VPS8: variants seen among roughly 807,000 people sequenced by gnomAD.
The protein encoded by VPS8 is vacuolar protein sorting-associated protein 8 homolog.
VPS8 carries 129 observed loss-of-function variants against 216.4 expected under a neutral mutation model. The observed-to-expected ratio is 0.60, with a 90% CI of 0.52 to 0.69. VPS8 has a LOEUF of 0.69. Among genes scored for constraint, VPS8 ranks in the 30% least tolerant of loss-of-function variants. The pLI is 0.00. For missense variants in VPS8, 1,531 were observed against 1,683.5 expected, an observed-to-expected ratio of 0.91 and a Z score of 1.59; for synonymous variants, 571 against 565.4, an observed-to-expected ratio of 1.01 and a Z score of -0.14.
chr3:184,975,981 GCC>G (rs1560947026), intron 40 of VPS8, among the ~76,000 whole-genome samples: 24 of 152,270 alleles, frequency 1.6e-4, no homozygotes, highest in African/African-American at 5.5e-4. Flanking sequence ...ATTTGCATAT[GCC>G]TTTGTCCTCC....
intron 5 of VPS8, 44 bp downstream of exon 5, chr3:184,834,786 G>A: frequency 2.1e-6 from 3 of 1,431,336 alleles, no homozygotes; most frequent in East Asian, 2.5e-5. Context: ...ACCTGCAATG[G>A]CATAATGAAG....
intron 36 of VPS8, among the ~76,000 whole-genome samples, chr3:184,943,873 G>A (rs1743174058): frequency 1.3e-5 from 2 of 152,316 alleles, no homozygotes; most frequent in Middle Eastern, 3.4e-3. Context: ...AGGCCAAGGC[G>A]GGCGGACCAC....
intron 15 of VPS8, among the ~76,000 whole-genome samples, chr3:184,861,833 G>C (rs964683289): frequency 2.0e-5 from 3 of 152,090 alleles, no homozygotes; most frequent in Non-Finnish European, 4.4e-5. Context: ...CTAAGAACTA[G>C]CACTGATTAA....
chr3:184,834,790 A>G, intron 5 of VPS8, 48 bp downstream of exon 5: 1 of 1,422,624 alleles, frequency 7.0e-7, no homozygotes, highest in Non-Finnish European at 9.6e-7. Flanking sequence ...GCAATGGCAT[A>G]ATGAAGTAGG....
chr3:185,030,787 A>G (rs186713632), intron 46 of VPS8, among the ~76,000 whole-genome samples: 1 of 152,226 alleles, frequency 6.6e-6, no homozygotes, highest in Admixed American at 6.5e-5. Context: ...TTAAGAGACG[A>G]TGTCTCACTG....
At position 184,913,782 on chromosome 3, in the gene VPS8, A is replaced by T. The variant is rs1737010222; in HGVS notation, c.2189+221A>T. ...TTGGTTGTTATAACTGGGGCTAGAG[A>T]AGGGATGCTACTGGTATCTAGTGGG... On this transcript the variant is annotated intron_variant, in intron 26 of 47. Transcript: ENST00000625842. Among the ~76,000 whole-genome samples the T allele has an allele frequency of 6.6e-6, 1 of 152,190 alleles. No individual in the cohort carries two copies. Among genetic ancestry groups the T allele is most frequent in the Non-Finnish European group, 1.5e-5 (1 of 68,030 alleles).
chr3:184,984,655 C>A (rs1750791267), intron 42 of VPS8, among the ~76,000 whole-genome samples: 1 of 152,114 alleles, frequency 6.6e-6, no homozygotes, highest in African/African-American at 2.4e-5. Flanking sequence ...TTGAATAATT[C>A]TTTGATATAG....
intron 42 of VPS8, among the ~76,000 whole-genome samples, chr3:184,988,729 T>G (rs376536612): frequency 9.2e-5 from 14 of 152,218 alleles, no homozygotes; most frequent in Non-Finnish European, 2.1e-4. Flanking sequence ...ATTGAACTTA[T>G]AGATCAAATG....
intron 21 of VPS8, among the ~76,000 whole-genome samples, chr3:184,878,779 A>G (rs1353201029): frequency 1.3e-5 from 2 of 152,196 alleles, no homozygotes; most frequent in Admixed American, 6.5e-5. Flanking sequence ...ACATACACAC[A>G]TATACATGCA....
intron 34 of VPS8, among the ~76,000 whole-genome samples, chr3:184,934,464 C>G (rs1283700503): frequency 6.6e-6 from 1 of 152,166 alleles, no homozygotes; most frequent in African/African-American, 2.4e-5. Flanking sequence ...AGCCACCACG[C>G]CCAGCCCCAT....
chr3:184,984,183 C>CAAAAAAAAAAAAAAA (rs1453935100), intron 42 of VPS8, among the ~76,000 whole-genome samples: 78 of 2,886 alleles, frequency 0.027, 38 homozygotes, highest in South Asian at 0.095. Flanking sequence ...GACTCCGTCT[C>CAAAAAAAAAAAAAAA]AAAAAAAAAA....
intron 45 of VPS8, 29 bp from the exon 46 acceptor site, chr3:185,024,307 G>A (rs374046404): frequency 5.8e-6 from 9 of 1,561,604 alleles, no homozygotes; most frequent in South Asian, 1.2e-5. Flanking sequence ...AACTGAAAGG[G>A]TATTAAAATG....
intron 36 of VPS8, among the ~76,000 whole-genome samples, chr3:184,950,052 G>C (rs1191871094): frequency 1.3e-5 from 2 of 151,432 alleles, no homozygotes; most frequent in Non-Finnish European, 2.9e-5. Flanking sequence ...TGGGATTACA[G>C]GTACGCACCA....
intron 36 of VPS8, among the ~76,000 whole-genome samples, chr3:184,945,053 G>A (rs1743435912): frequency 6.6e-6 from 1 of 151,792 alleles, no homozygotes; most frequent in Non-Finnish European, 1.5e-5. Flanking sequence ...CTTACCCCTA[G>A]ATCTTATATC....
chr3:184,926,763 C>A (rs752734240), intron 31 of VPS8, 113 bp downstream of exon 31: 24 of 1,040,744 alleles, frequency 2.3e-5, no homozygotes, highest in Non-Finnish European at 3.3e-5. Flanking sequence ...TGTGCCAAAC[C>A]CTAATACGAA....
chr3:184,857,797 T>C (rs1725537303), intron 14 of VPS8, among the ~76,000 whole-genome samples: 1 of 152,220 alleles, frequency 6.6e-6, no homozygotes, highest in South Asian at 2.1e-4. Context: ...TTAGTATCTG[T>C]GGACCATATA....
chr3:184,886,057 G>A (rs1423840278), intron 21 of VPS8, 53 bp from the exon 22 acceptor site: 1 of 1,563,790 alleles, frequency 6.4e-7, no homozygotes, highest in Admixed American at 1.8e-5. Flanking sequence ...CATTATCAGT[G>A]GACCACTGGA....
At chr3:184,838,241 A>G (rs1324374586) in intron 5 of VPS8, among the ~76,000 whole-genome samples, 1 of 152,204 alleles carries the variant, frequency 6.6e-6, no homozygotes, top group Non-Finnish European at 1.5e-5. Context: ...CTTATGCTTG[A>G]GAACTGATTT....
intron 25 of VPS8, among the ~76,000 whole-genome samples, chr3:184,908,561 A>G (rs1735906778): frequency 1.3e-5 from 2 of 152,324 alleles, no homozygotes; most frequent in South Asian, 4.1e-4. Context: ...CCATAGCCTG[A>G]TGGACGGCAG....
Sources: gnomAD v4.1 joint callset for allele counts (sites outside exome capture counted in the v4.1 genomes callset) on GRCh38, gnomAD v4.1.1 for gene constraint, MANE v1.5 for transcripts, NCBI Gene and HGNC (gene_info 2026-07-23, HGNC 2026-07-21) for gene names.